NCKAP5: variants seen among roughly 807,000 people sequenced by gnomAD.
NCKAP5 encodes NCK associated protein 5.
Under a neutral mutation model 167.0 loss-of-function variants are expected in NCKAP5, and 92 were observed. The ratio of observed to expected loss-of-function variants is 0.55; its 90% CI spans 0.47 to 0.66. NCKAP5 has a LOEUF of 0.66. NCKAP5 is among the 30% of genes least tolerant of loss of function. The probability of loss-of-function intolerance (pLI) is 0.00; values close to 1 mark genes in which losing one functional copy is unlikely to be tolerated. For synonymous variants in NCKAP5, 891 were observed against 877.4 expected (o/e 1.02, Z -0.27); for missense variants, 2,378 against 2,315.0 (o/e 1.03, Z -0.56).
chr2:133,088,259 CAA>C (rs910179366), intron 6 of NCKAP5, among the ~76,000 whole-genome samples: 2 of 152,178 alleles, frequency 1.3e-5, no homozygotes, highest in African/African-American at 4.8e-5. Flanking sequence ...GGGCACTAAA[CAA>C]AGGCATACCT....
At chr2:133,467,513 T>C (rs1208324738) in intron 3 of NCKAP5, among the ~76,000 whole-genome samples, 2 of 151,188 alleles carry the variant, frequency 1.3e-5, no homozygotes, top group East Asian at 3.9e-4. Flanking sequence ...ATCAGAATGA[T>C]GCTGGCCTCA....
intron 4 of NCKAP5, among the ~76,000 whole-genome samples, chr2:133,290,703 A>T (rs113027898): frequency 2.0e-5 from 3 of 149,700 alleles, no homozygotes; most frequent in Non-Finnish European, 4.4e-5. Context: ...TCCCTAATGA[A>T]CATATGAGGC....
chr2:132,949,029 G>T (rs1558978398), intron 8 of NCKAP5, among the ~76,000 whole-genome samples: 1 of 149,952 alleles, frequency 6.7e-6, no homozygotes, highest in East Asian at 2.0e-4. Context: ...GAAAAGAAAA[G>T]AAAAGAAAAG....
intron 3 of NCKAP5, among the ~76,000 whole-genome samples, chr2:133,427,064 A>C (rs1466223237): frequency 6.6e-6 from 1 of 152,186 alleles, no homozygotes; most frequent in Non-Finnish European, 1.5e-5. Context: ...CCATGCAAAA[A>C]TCTCAGGGAA....
chr2:133,069,617 C>A (rs1425214613), intron 6 of NCKAP5, among the ~76,000 whole-genome samples: 2 of 152,114 alleles, frequency 1.3e-5, no homozygotes, highest in African/African-American at 4.8e-5. Context: ...ATCATTGTAT[C>A]AAATAAGACT....
chr2:133,663,273 A>C, the NCKAP5 span, among the ~76,000 whole-genome samples: 1 of 45,132 alleles, frequency 2.2e-5, no homozygotes, highest in East Asian at 2.8e-3. Context: ...ACTCCGTCTC[A>C]AAAAAAAAAA....
intron 11 of NCKAP5, among the ~76,000 whole-genome samples, chr2:132,846,905 C>T (rs1182222223): frequency 1.3e-5 from 2 of 152,120 alleles, no homozygotes; most frequent in African/African-American, 2.4e-5. Context: ...CTTGTATACA[C>T]TACCCATTTT....
At chr2:133,596,094 T>A in the NCKAP5 span, 1 of 153,244 alleles carries the variant, frequency 6.5e-6, no homozygotes, top group East Asian at 1.9e-4. Context: ...AAAACGTGGA[T>A]GTGAGCGTGA....
At position 133,542,627 on chromosome 2, in the gene NCKAP5, C is replaced by T. The variant is rs951017231; in HGVS notation, c.-62+16423G>A. 1.3e-3 allele frequency among the ~76,000 whole-genome samples: 197 copies of T among 152,318 alleles called. 1 individual carries two copies. Among genetic ancestry groups the T allele is most frequent in the African/African-American group, 3.6e-4 (15 of 41,570 alleles). On this transcript the variant is annotated intron_variant, in intron 2 of 19. Transcript: ENST00000409261. ...CTGCTCACATAACCAGCAGTGGCTC[C>T]AGTGTTTGCACAGACTACCTTGACA...
chr2:133,160,987 G>T (rs1171780999), intron 5 of NCKAP5, among the ~76,000 whole-genome samples: 2 of 152,044 alleles, frequency 1.3e-5, no homozygotes, highest in African/African-American at 2.4e-5. Flanking sequence ...TTAGGAATGG[G>T]GCCACACAGC....
the NCKAP5 span, among the ~76,000 whole-genome samples, chr2:133,594,300 CTCTT>C: frequency 2.0e-5 from 3 of 152,150 alleles, no homozygotes; most frequent in Non-Finnish European, 4.4e-5. Flanking sequence ...GAAAATCTCT[CTCTT>C]TCTCTCTTCT....
chr2:133,253,007 G>T (rs774017240), intron 4 of NCKAP5, among the ~76,000 whole-genome samples: 1 of 152,144 alleles, frequency 6.6e-6, no homozygotes, highest in Non-Finnish European at 1.5e-5. Flanking sequence ...CATTCACTTC[G>T]CCAGCCTTCT....
At chr2:133,160,372 A>G (rs573638341) in intron 5 of NCKAP5, among the ~76,000 whole-genome samples, 4 of 144,948 alleles carry the variant, frequency 2.8e-5, no homozygotes, top group African/African-American at 7.8e-5. Flanking sequence ...AATAAATTAC[A>G]TCTCCAAAGA....
chr2:133,395,467 C>T (rs1021083099), intron 3 of NCKAP5, among the ~76,000 whole-genome samples: 1 of 152,134 alleles, frequency 6.6e-6, no homozygotes, highest in Non-Finnish European at 1.5e-5. Flanking sequence ...ACATGGTTAA[C>T]GTGCAGGAGA....
chr2:133,393,911 C>A (rs1687578753), intron 3 of NCKAP5, among the ~76,000 whole-genome samples: 1 of 152,216 alleles, frequency 6.6e-6, no homozygotes, highest in Non-Finnish European at 1.5e-5. Context: ...GCTGCTCTTT[C>A]TTCTGAGCTG....
chr2:133,624,388 A>T, the NCKAP5 span, among the ~76,000 whole-genome samples: 1 of 152,048 alleles, frequency 6.6e-6, no homozygotes, highest in Non-Finnish European at 1.5e-5. Flanking sequence ...CTCATCTCTT[A>T]GGAGGAGTTT....
At chr2:133,538,392 T>A (rs548242548) in intron 2 of NCKAP5, among the ~76,000 whole-genome samples, 3 of 152,304 alleles carry the variant, frequency 2.0e-5, no homozygotes, top group South Asian at 4.1e-4. Flanking sequence ...GAGATTTTTT[T>A]AGCCTAATTT....
At chr2:133,605,763 A>G in the NCKAP5 span, among the ~76,000 whole-genome samples, 1 of 152,188 alleles carries the variant, frequency 6.6e-6, no homozygotes, top group Non-Finnish European at 1.5e-5. Context: ...AAAAAACCCT[A>G]AAGAACCAAG....
intron 10 of NCKAP5, among the ~76,000 whole-genome samples, chr2:132,861,311 G>C (rs190461942): frequency 6.6e-6 from 1 of 152,088 alleles, no homozygotes; most frequent in Admixed American, 6.5e-5. Flanking sequence ...CCCAGCTCAT[G>C]GAGGAAGCTG....
Sources: allele counts gnomAD v4.1 joint callset (sites outside exome capture counted in the v4.1 genomes callset), GRCh38; gene constraint gnomAD v4.1.1; transcripts MANE v1.5; gene names NCBI Gene and HGNC (gene_info 2026-07-23, HGNC 2026-07-21).